The following IL7 variants were observed in gnomAD, a reference collection of about 807,000 sequenced individuals.
IL7 encodes interleukin 7, also known as interleukin-7.
IL7 carries 3 observed loss-of-function variants against 21.6 expected under a neutral mutation model. That is an observed-to-expected ratio of 0.14 (90% CI 0.06 to 0.36). The LOEUF is 0.36. IL7 is among the 10% of genes least tolerant of loss of function. The pLI is 1.00. For missense variants in IL7, 175 were observed against 200.2 expected, an observed-to-expected ratio of 0.87 and a Z score of 0.76; for synonymous variants, 62 against 68.1, an observed-to-expected ratio of 0.91 and a Z score of 0.44.
intron 4 of IL7, among the ~76,000 whole-genome samples, chr8:78,680,501 A>G (rs1468929092): frequency 6.6e-6 from 1 of 152,172 alleles, no homozygotes; most frequent in African/African-American, 2.4e-5. Flanking sequence ...TATGCACATT[A>G]AAGTTTGAGA....
chr8:78,797,936 G>C, intron 2 of IL7, 136 bp downstream of exon 2: 1 of 586,500 alleles, frequency 1.7e-6, no homozygotes, highest in Non-Finnish European at 3.0e-6. Flanking sequence ...ACAGTTAGTA[G>C]CTCATTAAAT....
intron 2 of IL7, among the ~76,000 whole-genome samples, chr8:78,742,130 G>A (rs910332785): frequency 2.0e-5 from 3 of 150,294 alleles, no homozygotes; most frequent in Non-Finnish European, 4.4e-5. Context: ...TGGCCAACAT[G>A]GTGAAACCCC....
chr8:78,689,230 C>A lies in IL7; in HGVS notation n.215-3283G>T, dbSNP rs753236294. Reference sequence around the variant, plus strand: ...GTTTTTATCTGTTATAGATTATATTCAATGTCCATATTGTCAGAGGAGATT... The same window carrying A: ...GTTTTTATCTGTTATAGATTATATTAAATGTCCATATTGTCAGAGGAGATT... On this transcript the variant is annotated intron_variant and non_coding_transcript_variant, in intron 3 of 4. Transcript: ENST00000523959. 16 of 1,564,048 alleles carry A rather than the reference C, an allele frequency of 1.0e-5. No individual in the cohort carries two copies. The African/African-American group carries it at 1.9e-4, about 19-fold the overall frequency.
intron 3 of IL7, among the ~76,000 whole-genome samples, chr8:78,703,138 C>T (rs953162024): frequency 6.6e-6 from 1 of 152,170 alleles, no homozygotes; most frequent in African/African-American, 2.4e-5. Context: ...CTCAGGTCAT[C>T]TGCCTGTCTC....
chr8:78,733,516 C>A lies in IL7; in HGVS notation c.*197G>T. On this transcript the variant is annotated 3_prime_UTR_variant, in exon 6 of 6. Coordinates refer to ENST00000263851, the MANE Select transcript of IL7 (RefSeq NM_000880.4). Reference sequence around the variant, plus strand: ...ACATATATAAGAAATAGTTTGTTGACTGGAGCATTCAGTTTCCATTGTTTG... The same window carrying A: ...ACATATATAAGAAATAGTTTGTTGAATGGAGCATTCAGTTTCCATTGTTTG... The A allele has an allele frequency of 2.1e-6, 1 of 479,312 alleles. No homozygotes were observed. The allele number at this position is 479,312 out of a possible 1,614,324, so 29.7% of individuals were successfully genotyped here. A position where few individuals can be genotyped will look rare whatever the true frequency, so the allele number is the denominator to read the frequency against.
intron 3 of IL7, among the ~76,000 whole-genome samples, chr8:78,724,847 C>G (rs188424550): frequency 6.6e-6 from 1 of 151,856 alleles, no homozygotes; most frequent in Non-Finnish European, 1.5e-5. Context: ...TGTCATTACC[C>G]GAAAGCTATT....
downstream of IL7, among the ~76,000 whole-genome samples, chr8:78,716,712 C>T (rs947031201): frequency 3.3e-5 from 5 of 151,994 alleles, no homozygotes; most frequent in African/African-American, 1.2e-4. Context: ...AGATGGAAAG[C>T]GATGTGGTTT....
chr8:78,703,631 G>A (rs1187892665), intron 3 of IL7, among the ~76,000 whole-genome samples: 1 of 149,596 alleles, frequency 6.7e-6, no homozygotes, highest in Admixed American at 6.7e-5. Flanking sequence ...CCATTTGCTT[G>A]GTAAATTTTT....
At position 78,678,509 on chromosome 8, in the gene IL7, GTCTTACCT is replaced by G; in HGVS notation, n.274-2413_274-2406del. 5 of 1,425,092 alleles carry G rather than the reference GTCTTACCT, an allele frequency of 3.5e-6. No individual in the cohort carries two copies. The South Asian group carries it at 6.3e-5, about 18-fold the overall frequency. 88.3% of individuals were successfully genotyped at this position (1,425,092 alleles called of 1,614,324 possible). On this transcript the variant is annotated intron_variant and non_coding_transcript_variant, in intron 4 of 4. Transcript: ENST00000523959. ...GTCTCAATGTAAATAAAGTTCTGTA[GTCTTACCT>G]TCTGTAGAAAAGAAAATGATAGGCT...
At chr8:78,689,093 A>G (rs1331868104) in intron 3 of IL7, 1 of 552,882 alleles carries the variant, frequency 1.8e-6, no homozygotes, top group East Asian at 3.7e-5. Flanking sequence ...AGTTATAAGG[A>G]TATGGGAATT....
chr8:78,726,269 G>T (rs1421378670), intron 3 of IL7, among the ~76,000 whole-genome samples: 1 of 151,902 alleles, frequency 6.6e-6, no homozygotes, highest in Non-Finnish European at 1.5e-5. Flanking sequence ...AGTGCTTTCT[G>T]TTAGGGTATT....
chr8:78,790,583 A>T (rs902838009), intron 2 of IL7, among the ~76,000 whole-genome samples: 1 of 152,128 alleles, frequency 6.6e-6, no homozygotes, highest in Non-Finnish European at 1.5e-5. Flanking sequence ...TCAAACATAA[A>T]ATCTGTCCTT....
At chr8:78,689,495 G>T in intron 3 of IL7, 1 of 824,820 alleles carries the variant, frequency 1.2e-6, no homozygotes, top group Non-Finnish European at 1.7e-6. Flanking sequence ...TAGATATATA[G>T]TTTTATATAT....
chr8:78,680,753 G>C (rs189148109), intron 4 of IL7, among the ~76,000 whole-genome samples: 2 of 152,306 alleles, frequency 1.3e-5, no homozygotes, highest in East Asian at 3.9e-4. Flanking sequence ...TTGGGGGCCT[G>C]TGGCTGGATT....
intron 2 of IL7, among the ~76,000 whole-genome samples, chr8:78,768,884 G>A (rs1381508422): frequency 3.9e-5 from 6 of 151,980 alleles, no homozygotes; most frequent in Non-Finnish European, 8.8e-5. Flanking sequence ...TTCAATATAC[G>A]CAAATCAATA....
At chr8:78,682,253 G>C (rs1809811720) in intron 4 of IL7, among the ~76,000 whole-genome samples, 2 of 152,234 alleles carry the variant, frequency 1.3e-5, no homozygotes, top group South Asian at 4.1e-4. Flanking sequence ...AATACCATAA[G>C]TGCCAGCCAA....
At position 78,779,269 on chromosome 8, in the gene IL7, C is replaced by T. The variant is rs973668309; in HGVS notation, c.147+18803G>A. 2.0e-5 allele frequency among the ~76,000 whole-genome samples: 3 copies of T among 152,158 alleles called. No individual in the cohort carries two copies. The East Asian group carries it at 5.8e-4, about 29-fold the overall frequency. On this transcript the variant is annotated intron_variant, in intron 2 of 5. Transcript: ENST00000263851. ...ATTGCCCTGGCCAGAACTTCCAATA[C>T]TATGTTGAACAGGAGTGGTGAGAGT...
At chr8:78,804,080 T>G (rs189366385) in intron 1 of IL7, among the ~76,000 whole-genome samples, 7 of 152,206 alleles carry the variant, frequency 4.6e-5, no homozygotes, top group South Asian at 2.1e-4. Context: ...TTAATTCCAG[T>G]AAGTTTTTTG....
At chr8:78,723,101 A>ATATATG (rs1044189082) in intron 3 of IL7, among the ~76,000 whole-genome samples, 4 of 118,414 alleles carry the variant, frequency 3.4e-5, no homozygotes, top group Non-Finnish European at 6.0e-5. Flanking sequence ...AAATATATAT[A>ATATATG]TATATATATA....
Sources: gnomAD v4.1 joint callset for allele counts (sites outside exome capture counted in the v4.1 genomes callset) on GRCh38, gnomAD v4.1.1 for gene constraint, MANE v1.5 for transcripts, NCBI Gene and HGNC (gene_info 2026-07-23, HGNC 2026-07-21) for gene names.